Variants in SEC23B observed in about 807,000 individuals in gnomAD.
The protein encoded by SEC23B is protein transport protein Sec23B.
SEC23B carries 77 observed loss-of-function variants against 104.3 expected under a neutral mutation model. The observed-to-expected ratio is 0.74, with a 90% CI of 0.61 to 0.89. SEC23B has a LOEUF of 0.89. Ranked by LOEUF, SEC23B falls within the 40% of genes least tolerant of loss-of-function variation. The pLI, the probability that SEC23B is intolerant of heterozygous loss-of-function variation, is 0.00. For synonymous variants in SEC23B, 338 were observed against 332.5 expected, an observed-to-expected ratio of 1.02 and a Z score of -0.18; for missense variants, 885 against 949.4, an observed-to-expected ratio of 0.93 and a Z score of 0.89.
intron 12 of SEC23B, among the ~76,000 whole-genome samples, chr20:18,537,998 C>G (rs1194262724): frequency 6.6e-6 from 1 of 151,982 alleles, no homozygotes; most frequent in East Asian, 1.9e-4. Flanking sequence ...CGATCTATCA[C>G]CCAGGCACGG....
At chr20:18,525,978 C>T (rs1391798483) in intron 7 of SEC23B, 46 bp downstream of exon 7, 23 of 1,580,648 alleles carry the variant, frequency 1.5e-5, no homozygotes, top group Non-Finnish European at 2.0e-5. Flanking sequence ...CAAATGTGCT[C>T]TCAGAAAATA....
chr20:18,555,079 A>T (rs765999632), intron 18 of SEC23B, 29 bp from the exon 19 acceptor site: 1 of 1,597,860 alleles, frequency 6.3e-7, no homozygotes, highest in Non-Finnish European at 8.6e-7. Flanking sequence ...TTTAATCTTT[A>T]AATCTTTTTG....
chr20:18,517,100 T>C (rs2060036330), intron 4 of SEC23B, among the ~76,000 whole-genome samples: 1 of 152,258 alleles, frequency 6.6e-6, no homozygotes, highest in Non-Finnish European at 1.5e-5. Flanking sequence ...TCTAGTTTTA[T>C]TCCATTTTTA....
At chr20:18,559,000 T>C (rs1336038320) in intron 19 of SEC23B, among the ~76,000 whole-genome samples, 1 of 151,044 alleles carries the variant, frequency 6.6e-6, no homozygotes, top group Non-Finnish European at 1.5e-5. Flanking sequence ...TGAGTGTTTG[T>C]ATGAGACCCT....
At chr20:18,521,324 A>G (rs1233499101) in intron 4 of SEC23B, among the ~76,000 whole-genome samples, 1 of 152,110 alleles carries the variant, frequency 6.6e-6, no homozygotes, top group African/African-American at 2.4e-5. Flanking sequence ...TGGGTAATAA[A>G]ATGCATATTG....
chr20:18,511,081 A>G (rs781678312), intron 2 of SEC23B, 25 bp downstream of exon 2: 1 of 1,502,546 alleles, frequency 6.7e-7, no homozygotes, highest in South Asian at 1.1e-5. Context: ...GAAACTGGTA[A>G]AAATGATAAA....
At chr20:18,557,798 G>GGAGTTTTGCA (rs1568627625) in intron 19 of SEC23B, among the ~76,000 whole-genome samples, 89 of 145,382 alleles carry the variant, frequency 6.1e-4, no homozygotes, top group African/African-American at 2.1e-3. Context: ...TGTTGCCCAG[G>GGAGTTTTGCA]CTGGAGTGCA....
At chr20:18,542,513 C>G in intron 13 of SEC23B, 111 bp downstream of exon 13, 1 of 1,089,770 alleles carries the variant, frequency 9.2e-7, no homozygotes. Context: ...ATGGTTCTCA[C>G]CAGACCTCAT....
At chr20:18,551,382 T>G (rs1303104670) in intron 17 of SEC23B, among the ~76,000 whole-genome samples, 1 of 152,156 alleles carries the variant, frequency 6.6e-6, no homozygotes, top group Non-Finnish European at 1.5e-5. Context: ...AGTAAATCCC[T>G]GGAGTATTTG....
At chr20:18,514,508 A>G (rs2060008028) in intron 3 of SEC23B, among the ~76,000 whole-genome samples, 1 of 152,150 alleles carries the variant, frequency 6.6e-6, no homozygotes, top group South Asian at 2.1e-4. Context: ...GCTCCTCAGC[A>G]GCACTTGCAT....
chr20:18,537,628 C>T (rs1184899486), intron 12 of SEC23B, among the ~76,000 whole-genome samples: 2 of 151,988 alleles, frequency 1.3e-5, no homozygotes, highest in Non-Finnish European at 2.9e-5. Flanking sequence ...GGAGATATAA[C>T]TAATGCTAAA....
intron 4 of SEC23B, among the ~76,000 whole-genome samples, chr20:18,519,159 G>T (rs2060060499): frequency 6.6e-6 from 1 of 152,186 alleles, no homozygotes; most frequent in African/African-American, 2.4e-5. Context: ...TGTGATCAGG[G>T]TGAGGAATAG....
At chr20:18,514,765 A>G (rs532096193) in intron 3 of SEC23B, among the ~76,000 whole-genome samples, 42 of 152,336 alleles carry the variant, frequency 2.8e-4, no homozygotes, top group Non-Finnish European at 5.7e-4. Flanking sequence ...TAAGTCTGGA[A>G]GGAAATCTGC....
chr20:18,512,949 G>T (rs187609987), intron 3 of SEC23B, among the ~76,000 whole-genome samples: 1 of 152,254 alleles, frequency 6.6e-6, no homozygotes, highest in East Asian at 1.9e-4. Flanking sequence ...ACTTTGGGAG[G>T]CTGAGGCGGG....
At chr20:18,515,970 C>T in intron 4 of SEC23B, 1 of 501,562 alleles carries the variant, frequency 2.0e-6, no homozygotes, top group Non-Finnish European at 3.6e-6. Flanking sequence ...TCTCTGTAGC[C>T]TTCTTCATCT....
At chr20:18,544,726 G>A (rs558034077) in intron 14 of SEC23B, among the ~76,000 whole-genome samples, 1 of 152,328 alleles carries the variant, frequency 6.6e-6, no homozygotes, top group African/African-American at 2.4e-5. Flanking sequence ...GAGGCACATT[G>A]CAGAGAGAAA....
At chr20:18,515,538 C>T (rs2060016787) in intron 3 of SEC23B, 112 bp from the exon 4 acceptor site, 1 of 708,760 alleles carries the variant, frequency 1.4e-6, no homozygotes, top group Non-Finnish European at 2.6e-6. Context: ...GTCTGGAGCT[C>T]CTGAGCTCAA....
intron 3 of SEC23B, 61 bp downstream of exon 3, chr20:18,512,343 T>A: frequency 9.1e-7 from 1 of 1,094,288 alleles, no homozygotes; most frequent in South Asian, 1.4e-5. Flanking sequence ...ATGAAAAAAA[T>A]TAAGTTAGGT....
intron 19 of SEC23B, among the ~76,000 whole-genome samples, chr20:18,558,372 A>C (rs904922517): frequency 6.6e-6 from 1 of 152,170 alleles, no homozygotes; most frequent in African/African-American, 2.4e-5. Context: ...AGAAAGTGTA[A>C]TTATGACATG....
Sources: gnomAD v4.1 joint callset for allele counts (sites outside exome capture counted in the v4.1 genomes callset) on GRCh38, gnomAD v4.1.1 for gene constraint, MANE v1.5 for transcripts, NCBI Gene and HGNC (gene_info 2026-07-23, HGNC 2026-07-21) for gene names.